Variants in SORCS2 observed in about 807,000 individuals in gnomAD.
SORCS2 encodes the protein sortilin related VPS10 domain containing receptor 2.
A neutral mutation model predicts 141.6 loss-of-function variants in SORCS2; 100 were observed. The observed-to-expected ratio is 0.71, with a 90% CI of 0.60 to 0.83. The LOEUF (loss-of-function observed/expected upper bound fraction) is 0.83, where lower values mean the gene tolerates loss of function less well. Ranked by LOEUF, SORCS2 falls within the 40% of genes least tolerant of loss-of-function variation. The probability of loss-of-function intolerance (pLI) is 0.00; values close to 1 mark genes in which losing one functional copy is unlikely to be tolerated. For synonymous variants in SORCS2, 789 were observed against 676.9 expected (o/e 1.17, Z -2.57); for missense variants, 1,646 against 1,560.2 (o/e 1.05, Z -0.93).
At position 7,583,808 on chromosome 4, in the gene SORCS2, C is replaced by T. The variant is rs192223665; in HGVS notation, c.648+52179C>T. ...CATGTCTTCATCAGCAGCGTGAAAA[C>T]AGACTAATACATATGAGCACTTTAC... On this transcript the variant is annotated intron_variant, in intron 3 of 26. Transcript: ENST00000507866. Among the ~76,000 whole-genome samples the T allele has an allele frequency of 4.5e-3, 689 of 152,340 alleles. 5 individuals are homozygous for T. The highest frequency in any genetic ancestry group is 0.016 in the South Asian group (75 of 4,820).
chr4:7,360,577 T>TTTTTTTC (rs1721523269), intron 1 of SORCS2, among the ~76,000 whole-genome samples: 1 of 98,650 alleles, frequency 1.0e-5, no homozygotes, highest in Non-Finnish European at 2.0e-5. Flanking sequence ...CCTTCTTTTT[T>TTTTTTTC]TTTTTTTTTT....
At chr4:7,540,706 G>T (rs982931518) in intron 3 of SORCS2, among the ~76,000 whole-genome samples, 3 of 152,222 alleles carry the variant, frequency 2.0e-5, no homozygotes, top group African/African-American at 7.2e-5. Context: ...GAGGGCGGGG[G>T]AGACAGAGTG....
At chr4:7,390,895 G>A (rs1723815941) in intron 1 of SORCS2, among the ~76,000 whole-genome samples, 1 of 152,178 alleles carries the variant, frequency 6.6e-6, no homozygotes, top group African/African-American at 2.4e-5. Context: ...GTTTTTGGAA[G>A]GGAGCAACTC....
intron 1 of SORCS2, among the ~76,000 whole-genome samples, chr4:7,384,613 C>G (rs766052492): frequency 6.6e-6 from 1 of 152,236 alleles, no homozygotes; most frequent in African/African-American, 2.4e-5. Flanking sequence ...TGGAGGACAT[C>G]TCTCAACCCA....
chr4:7,724,178 ATAG>A (rs1726839251), intron 19 of SORCS2, among the ~76,000 whole-genome samples: 1 of 118,302 alleles, frequency 8.5e-6, no homozygotes, highest in Non-Finnish European at 1.7e-5. Flanking sequence ...GGTGATGGTG[ATAG>A]CAGTACTGGT....
intron 2 of SORCS2, among the ~76,000 whole-genome samples, chr4:7,460,684 T>C (rs1729245123): frequency 6.6e-6 from 1 of 152,144 alleles, no homozygotes; most frequent in Non-Finnish European, 1.5e-5. Flanking sequence ...GGTGGGAATG[T>C]GGAGGGAAAG....
At chr4:7,708,184 C>T (rs933702084) in intron 14 of SORCS2, among the ~76,000 whole-genome samples, 1 of 152,336 alleles carries the variant, frequency 6.6e-6, no homozygotes, top group East Asian at 1.9e-4. Context: ...TGATGCTCAC[C>T]TGTGATGCTT....
chr4:7,300,049 C>T (rs1161743523), intron 1 of SORCS2, among the ~76,000 whole-genome samples: 1 of 152,186 alleles, frequency 6.6e-6, no homozygotes, highest in Non-Finnish European at 1.5e-5. Flanking sequence ...TAAAGCCTGG[C>T]AGAATCAGGA....
intron 26 of SORCS2, among the ~76,000 whole-genome samples, chr4:7,737,800 G>A (rs1040304938): frequency 6.6e-6 from 1 of 152,220 alleles, no homozygotes; most frequent in African/African-American, 2.4e-5. Flanking sequence ...CAGCCGGGCT[G>A]CTCGCTGTCA....
intron 2 of SORCS2, among the ~76,000 whole-genome samples, chr4:7,401,857 CT>C (rs71173500): frequency 6.6e-6 from 1 of 152,024 alleles, no homozygotes; most frequent in Non-Finnish European, 1.5e-5. Context: ...GAATCCTCTC[CT>C]TTTTGTTAGG....
chr4:7,405,197 T>C (rs1724892208), intron 2 of SORCS2, among the ~76,000 whole-genome samples: 1 of 152,220 alleles, frequency 6.6e-6, no homozygotes, highest in Non-Finnish European at 1.5e-5. Context: ...TTCTCCATTC[T>C]GTTCCATTGG....
rs149892199 is a variant in SORCS2, at chr4:7,521,045, C to T, written c.549-10485C>T. Among the ~76,000 whole-genome samples, 49 of 152,190 alleles carry T rather than the reference C, an allele frequency of 3.2e-4. 1 individual carries two copies. The highest frequency in any genetic ancestry group is 1.0e-3 in the African/African-American group (42 of 41,524). ...TTTCTGATGTTGCTATAATCTTGGG[C>T]GAGTTACTTAATGTTCCTTGGGACT... On this transcript the variant is annotated intron_variant, in intron 2 of 26. Coordinates refer to ENST00000507866, the MANE Select transcript of SORCS2 (RefSeq NM_020777.3).
chr4:7,356,479 CATGGAGAGAG>C (rs376955040), intron 1 of SORCS2, among the ~76,000 whole-genome samples: 1,820 of 152,134 alleles, frequency 0.012, 28 homozygotes, highest in African/African-American at 0.041. Context: ...AGTGTGTGAG[CATGGAGAGAG>C]ATGGAGAGAG....
intron 3 of SORCS2, among the ~76,000 whole-genome samples, chr4:7,600,666 C>G (rs978694267): frequency 6.9e-6 from 1 of 144,226 alleles, no homozygotes; most frequent in African/African-American, 2.9e-5. Context: ...TACACACACA[C>G]ACACACACAC....
intron 4 of SORCS2, 78 bp downstream of exon 4, chr4:7,638,570 G>A: frequency 2.1e-6 from 3 of 1,446,340 alleles, no homozygotes; most frequent in Non-Finnish European, 2.8e-6. Context: ...GTGCCCACTT[G>A]GAGCAAGTGG....
chr4:7,247,911 G>C (rs1309433910), intron 1 of SORCS2, among the ~76,000 whole-genome samples: 1 of 152,218 alleles, frequency 6.6e-6, no homozygotes, highest in Non-Finnish European at 1.5e-5. Flanking sequence ...ATCCTAGGAG[G>C]GCGCGACTCT....
chr4:7,703,135 A>G (rs962606905), intron 12 of SORCS2, 145 bp from the exon 13 acceptor site: 9 of 613,178 alleles, frequency 1.5e-5, no homozygotes, highest in Non-Finnish European at 2.2e-5. Flanking sequence ...GGCCCGGGAC[A>G]TGCAGGGAAC....
intron 2 of SORCS2, among the ~76,000 whole-genome samples, chr4:7,440,408 A>T (rs990092247): frequency 6.6e-6 from 1 of 152,234 alleles, no homozygotes; most frequent in Non-Finnish European, 1.5e-5. Flanking sequence ...TAGGAACAAC[A>T]TGCTTACCTC....
chr4:7,680,910 A>G (rs1034305359), intron 9 of SORCS2, among the ~76,000 whole-genome samples: 2 of 152,192 alleles, frequency 1.3e-5, no homozygotes, highest in African/African-American at 4.8e-5. Flanking sequence ...GCCTGTCCCA[A>G]CCTTGCACTT....
Sources: gnomAD v4.1 joint callset for allele counts (sites outside exome capture counted in the v4.1 genomes callset) on GRCh38, gnomAD v4.1.1 for gene constraint, MANE v1.5 for transcripts, NCBI Gene and HGNC (gene_info 2026-07-23, HGNC 2026-07-21) for gene names.